GRM3: variants seen among roughly 807,000 people sequenced by gnomAD.
The protein encoded by GRM3 is glutamate metabotropic receptor 3.
In GRM3, 26 loss-of-function variants were observed where a neutral mutation model predicts 70.5. The ratio of observed to expected loss-of-function variants is 0.37; its 90% CI spans 0.27 to 0.51. GRM3 has a LOEUF of 0.51. Among genes scored for constraint, GRM3 ranks in the 20% least tolerant of loss-of-function variants. GRM3 has a pLI of 0.93. For missense variants in GRM3, 859 were observed against 1,123.8 expected (o/e 0.76, Z 3.37); for synonymous variants, 443 against 434.9 (o/e 1.02, Z -0.23).
rs778683864 is a variant in GRM3, at chr7:86,839,111, C to A, written c.1597C>A (p.Pro533Thr). The change falls in exon 4 of 6, where the codon CCC becomes ACC. Residue 533 changes from proline to threonine, a missense_variant. Transcript: ENST00000361669. This position sits in a 1 kb window ranked among gnomAD's most constrained non-coding sequence, Gnocchi z 4.5. The part of the protein sequence containing the change: ...PGDVCCWICI[P>T]CEPYEYLADE... Reference sequence around the variant, plus strand: ...GGATGTCTGCTGCTGGATTTGCATCCCCTGTGAACCCTACGAATACCTGGC... The same window carrying A: ...GGATGTCTGCTGCTGGATTTGCATCACCTGTGAACCCTACGAATACCTGGC... The A allele has an allele frequency of 1.2e-6, 2 of 1,613,922 alleles. No homozygotes were observed.
chr7:86,852,593 T>C (rs1447343767), intron 5 of GRM3, among the ~76,000 whole-genome samples: 2 of 152,122 alleles, frequency 1.3e-5, no homozygotes, highest in African/African-American at 4.8e-5. Context: ...AATAAAATTA[T>C]AAATAAACTT....
At chr7:86,744,021 A>G (rs1464645115) in intron 1 of GRM3, among the ~76,000 whole-genome samples, 1 of 152,126 alleles carries the variant, frequency 6.6e-6, no homozygotes, top group Non-Finnish European at 1.5e-5. Flanking sequence ...TCTTACAGAT[A>G]AGAAAACAGA....
intron 3 of GRM3, among the ~76,000 whole-genome samples, chr7:86,789,256 A>AC (rs1240468672): frequency 6.6e-6 from 1 of 152,222 alleles, no homozygotes; most frequent in Non-Finnish European, 1.5e-5. Context: ...TAGACCAGCC[A>AC]CAAGGTAAAT....
Position 86,645,688 on chromosome 7 carries a change from G to A in GRM3, c.-141+816G>A, listed in dbSNP as rs566228152. ...CTTTTAGGTAAATATATTAAGGAAG[G>A]ATTCTCCCACTTTAAGTATTTTAGA... On this transcript the variant is annotated intron_variant, in intron 1 of 5. Coordinates refer to ENST00000361669, the MANE Select transcript of GRM3 (RefSeq NM_000840.3). Among the ~76,000 whole-genome samples the A allele has an allele frequency of 1.1e-4, 16 of 152,136 alleles. No homozygotes were observed. The South Asian group carries it at 3.3e-3, about 32-fold the overall frequency.
chr7:86,701,107 CTTT>C (rs927100210), intron 1 of GRM3, among the ~76,000 whole-genome samples: 1 of 151,684 alleles, frequency 6.6e-6, no homozygotes, highest in African/African-American at 2.4e-5. Context: ...TCCATTAGTA[CTTT>C]TTTTTAATAA....
chr7:86,699,380 GTT>G (rs1288772012), intron 1 of GRM3, among the ~76,000 whole-genome samples: 1 of 151,998 alleles, frequency 6.6e-6, no homozygotes, highest in Non-Finnish European at 1.5e-5. Context: ...TATTGTGGTA[GTT>G]AAATAACTTG....
At chr7:86,713,766 C>T (rs547043730) in intron 1 of GRM3, among the ~76,000 whole-genome samples, 1 of 151,998 alleles carries the variant, frequency 6.6e-6, no homozygotes, top group South Asian at 2.1e-4. Context: ...GTTCTATGTA[C>T]ATAGAAAATG....
chr7:86,765,499 A>T lies in GRM3; in HGVS notation c.354A>T (p.Thr118=). 6.2e-7 allele frequency: 1 copy of T among 1,613,948 alleles called. No homozygotes were observed. The highest frequency in any genetic ancestry group is 8.5e-7 in the Non-Finnish European group (1 of 1,179,878). The change falls in exon 2 of 6, where the codon ACA becomes ACT. Residue 118 remains threonine, a synonymous_variant. Transcript: ENST00000361669. ...QSLEFVRASL[T]KVDEAEYMCP... is the part of the protein sequence containing the mutation. ...TGGAGTTTGTCAGGGCATCTTTGACAAAAGTGGATGAAGCTGAGTATATGT... is the reference window on the plus strand; with the variant it reads ...TGGAGTTTGTCAGGGCATCTTTGACTAAAGTGGATGAAGCTGAGTATATGT...
chr7:86,651,914 T>C (rs114654698), intron 1 of GRM3, among the ~76,000 whole-genome samples: 2,016 of 152,322 alleles, frequency 0.013, 40 homozygotes, highest in African/African-American at 0.046. Flanking sequence ...AAGTATTTCA[T>C]CCAAGAAGTA....
rs766017153 is a variant in GRM3, at chr7:86,765,549, A to G, written c.404A>G (p.Gln135Arg). The G allele has an allele frequency of 1.9e-6, 3 of 1,613,710 alleles. No individual in the cohort carries two copies. The highest frequency in any genetic ancestry group is 1.1e-5 in the South Asian group (1 of 91,078). The change falls in exon 2 of 6, where the codon CAA becomes CGA. Residue 135 changes from glutamine (Q) to arginine (R), a missense_variant. Coordinates refer to ENST00000361669, the MANE Select transcript of GRM3 (RefSeq NM_000840.3). The stretch of plus-strand genomic sequence containing the variant: ...TGTCCTGATGGATCCTATGCCATTC[A>G]AGAAAACATCCCACTTCTCATTGCA... ...YMCPDGSYAI[Q>R]ENIPLLIAGV...
At position 86,697,090 on chromosome 7, in the gene GRM3, C is replaced by T. The variant is rs117256962; in HGVS notation, c.-141+52218C>T. The stretch of plus-strand genomic sequence containing the variant: ...AGGTATGTGTTAAAAGAAAATAAAG[C>T]TATTAAGAAACTGCCTACATAGAGA... On this transcript the variant is annotated intron_variant, in intron 1 of 5. Coordinates refer to ENST00000361669, the MANE Select transcript of GRM3 (RefSeq NM_000840.3). Among the ~76,000 whole-genome samples the T allele has an allele frequency of 4.4e-3, 671 of 152,062 alleles. 21 individuals are homozygous for T. The East Asian group carries it at 0.079, about 18-fold the overall frequency.
chr7:86,694,619 A>G (rs1157846820), intron 1 of GRM3, among the ~76,000 whole-genome samples: 1 of 151,860 alleles, frequency 6.6e-6, no homozygotes, highest in Non-Finnish European at 1.5e-5. Flanking sequence ...AGTTTGAGGG[A>G]AAAAAAAGAA....
intron 1 of GRM3, among the ~76,000 whole-genome samples, chr7:86,700,215 C>G (rs1341373248): frequency 6.6e-6 from 1 of 152,070 alleles, no homozygotes; most frequent in Non-Finnish European, 1.5e-5. Flanking sequence ...ATCTGCATAA[C>G]TAGCCAACTA....
At chr7:86,675,530 A>G (rs1049957976) in intron 1 of GRM3, among the ~76,000 whole-genome samples, 3 of 151,992 alleles carry the variant, frequency 2.0e-5, no homozygotes, top group Non-Finnish European at 4.4e-5. Flanking sequence ...ACAGAGAATA[A>G]AGCTCCCAGT....
At chr7:86,713,214 C>A (rs1413507001) in intron 1 of GRM3, among the ~76,000 whole-genome samples, 3 of 151,966 alleles carry the variant, frequency 2.0e-5, no homozygotes, top group African/African-American at 4.8e-5. Flanking sequence ...TTTCAATTTG[C>A]ATTTCTTTGA....
intron 2 of GRM3, 74 bp downstream of exon 2, chr7:86,765,687 T>C: frequency 8.2e-7 from 1 of 1,213,432 alleles, no homozygotes; most frequent in East Asian, 2.4e-5. Flanking sequence ...AAAAGGAAAA[T>C]ATCATAATAA....
At chr7:86,718,928 T>G (rs936101802) in intron 1 of GRM3, among the ~76,000 whole-genome samples, 1 of 151,990 alleles carries the variant, frequency 6.6e-6, no homozygotes, top group Non-Finnish European at 1.5e-5. Context: ...GCTTTTGAGC[T>G]CTGAATGACA....
chr7:86,816,269 G>A (rs1798012347), intron 3 of GRM3, among the ~76,000 whole-genome samples: 1 of 151,842 alleles, frequency 6.6e-6, no homozygotes, highest in South Asian at 2.1e-4. Context: ...ATTCCTTGAA[G>A]CTTACTAAGC....
intron 1 of GRM3, among the ~76,000 whole-genome samples, chr7:86,700,010 C>T (rs558028756): frequency 2.6e-5 from 4 of 151,906 alleles, no homozygotes; most frequent in Non-Finnish European, 5.9e-5. Context: ...ACAGCATGCT[C>T]GTCTTAAACT....
Sources: allele counts gnomAD v4.1 joint callset (sites outside exome capture counted in the v4.1 genomes callset), GRCh38; gene constraint gnomAD v4.1.1; non-coding constraint Gnocchi (gnomAD v3.1); transcripts MANE v1.5; gene names NCBI Gene and HGNC (gene_info 2026-07-23, HGNC 2026-07-21).